Variants in CNTNAP2 observed in about 807,000 individuals in gnomAD.
CNTNAP2 encodes the protein contactin associated protein 2.
A neutral mutation model predicts 155.2 loss-of-function variants in CNTNAP2; 98 were observed. The observed-to-expected ratio is 0.63, with a 90% CI of 0.54 to 0.75. The LOEUF (loss-of-function observed/expected upper bound fraction) is 0.75, where lower values mean the gene tolerates loss of function less well. Among genes scored for constraint, CNTNAP2 ranks in the 30% least tolerant of loss-of-function variants. CNTNAP2 has a pLI of 0.00. For missense variants in CNTNAP2, 1,727 were observed against 1,688.1 expected (o/e 1.02, Z -0.40); for synonymous variants, 651 against 631.2 (o/e 1.03, Z -0.47).
intron 4 of CNTNAP2, among the ~76,000 whole-genome samples, chr7:147,085,484 T>C (rs2129270638): frequency 6.6e-6 from 1 of 152,230 alleles, no homozygotes; most frequent in African/African-American, 2.4e-5. Context: ...TGCCTGATGA[T>C]CTGAAGTGGA....
chr7:146,624,661 A>T (rs564628092), intron 1 of CNTNAP2, among the ~76,000 whole-genome samples: 1 of 151,932 alleles, frequency 6.6e-6, no homozygotes, highest in African/African-American at 2.4e-5. Flanking sequence ...ATACAGTAGC[A>T]TGAGTCCTTC....
chr7:148,395,065 ATAATT>A (rs1470199543), intron 22 of CNTNAP2, among the ~76,000 whole-genome samples: 1 of 152,022 alleles, frequency 6.6e-6, no homozygotes. Context: ...AAACTTGTTA[ATAATT>A]TAATTTCCAT....
At chr7:146,478,590 T>G (rs993573645) in intron 1 of CNTNAP2, among the ~76,000 whole-genome samples, 1 of 151,780 alleles carries the variant, frequency 6.6e-6, no homozygotes, top group African/African-American at 2.4e-5. Flanking sequence ...AAGTGTCACA[T>G]CTAGTATCTG....
At chr7:146,366,063 T>G (rs1795150774) in intron 1 of CNTNAP2, among the ~76,000 whole-genome samples, 1 of 152,184 alleles carries the variant, frequency 6.6e-6, no homozygotes, top group Admixed American at 6.6e-5. Context: ...TGTGTCAGAC[T>G]CAGGTGAAAT....
At chr7:146,952,163 A>G (rs1797328506) in intron 3 of CNTNAP2, among the ~76,000 whole-genome samples, 1 of 152,154 alleles carries the variant, frequency 6.6e-6, no homozygotes, top group Non-Finnish European at 1.5e-5. Flanking sequence ...CATAAACAGA[A>G]CCAATGAGAA....
chr7:146,305,421 T>C (rs1255664224), intron 1 of CNTNAP2, among the ~76,000 whole-genome samples: 1 of 152,118 alleles, frequency 6.6e-6, no homozygotes, highest in Non-Finnish European at 1.5e-5. Flanking sequence ...TATCTACCTT[T>C]GGTCTTTGAT....
chr7:146,446,454 C>G (rs539967583), intron 1 of CNTNAP2, among the ~76,000 whole-genome samples: 21 of 152,148 alleles, frequency 1.4e-4, no homozygotes, highest in African/African-American at 5.1e-4. Flanking sequence ...TATTTGCAAC[C>G]AGACTAGCAC....
At chr7:146,264,741 G>C (rs2129082271) in intron 1 of CNTNAP2, among the ~76,000 whole-genome samples, 1 of 152,274 alleles carries the variant, frequency 6.6e-6, no homozygotes, top group South Asian at 2.1e-4. Flanking sequence ...AATGCCAGAG[G>C]TGTCAGTTAC....
At position 147,781,186 on chromosome 7, in the gene CNTNAP2, A is replaced by G. The variant is rs116483300; in HGVS notation, c.2099-122379A>G. On this transcript the variant is annotated intron_variant, in intron 13 of 23. Coordinates refer to ENST00000361727, the MANE Select transcript of CNTNAP2 (RefSeq NM_014141.6). ...GGCAGTGCTGATATTTTCTTAGATC[A>G]TTTTTCTAATATTAGAGGAGCTCTT... 3.2e-3 allele frequency among the ~76,000 whole-genome samples: 488 copies of G among 152,298 alleles called. 4 individuals carry two copies. Among genetic ancestry groups the G allele is most frequent in the African/African-American group, 0.011 (460 of 41,558 alleles).
intron 21 of CNTNAP2, among the ~76,000 whole-genome samples, chr7:148,375,838 CA>C (rs34887239): frequency 0.88 from 34,065 of 38,650 alleles, 15,880 homozygotes; most frequent in East Asian, 1. Flanking sequence ...ACTAAAAATA[CA>C]AAAAAAAAAA....
At chr7:148,414,593 T>C (rs925532154) in intron 23 of CNTNAP2, among the ~76,000 whole-genome samples, 2 of 151,944 alleles carry the variant, frequency 1.3e-5, no homozygotes, top group African/African-American at 4.8e-5. Context: ...GCTCTCCTTC[T>C]AATTGACTGA....
intron 3 of CNTNAP2, among the ~76,000 whole-genome samples, chr7:146,897,214 A>G (rs982457525): frequency 6.6e-6 from 1 of 152,202 alleles, no homozygotes; most frequent in East Asian, 1.9e-4. Flanking sequence ...CTCAGTGTCT[A>G]TTTTACCTGT....
chr7:146,739,495 A>C (rs189387439), intron 1 of CNTNAP2, among the ~76,000 whole-genome samples: 1 of 152,114 alleles, frequency 6.6e-6, no homozygotes, highest in East Asian at 1.9e-4. Flanking sequence ...ATTGATTTCT[A>C]GTTTTATATT....
chr7:147,836,243 A>G lies in CNTNAP2; in HGVS notation c.2099-67322A>G, dbSNP rs575984504. ...TCAGTTAGGAATAATTACACACGTA[A>G]CGGCTCCCCTAAATGTTTTTTAGCC... On this transcript the variant is annotated intron_variant, in intron 13 of 23. Coordinates refer to ENST00000361727, the MANE Select transcript of CNTNAP2 (RefSeq NM_014141.6). Among the ~76,000 whole-genome samples the G allele has an allele frequency of 2.0e-5, 3 of 152,312 alleles. No homozygotes were observed. The South Asian group carries it at 6.2e-4, about 32-fold the overall frequency.
chr7:146,581,065 A>G (rs1190946668), intron 1 of CNTNAP2, among the ~76,000 whole-genome samples: 1 of 152,150 alleles, frequency 6.6e-6, no homozygotes, highest in Non-Finnish European at 1.5e-5. Flanking sequence ...CTGGGTCTTA[A>G]GCAACTTTAA....
intron 13 of CNTNAP2, among the ~76,000 whole-genome samples, chr7:147,885,858 A>G (rs1799592258): frequency 6.6e-6 from 1 of 152,202 alleles, no homozygotes; most frequent in Non-Finnish European, 1.5e-5. Context: ...ATGAGCACAT[A>G]AAGTAACTGC....
chr7:147,743,555 G>A (rs112275012), intron 13 of CNTNAP2, among the ~76,000 whole-genome samples: 4,890 of 152,200 alleles, frequency 0.032, 253 homozygotes, highest in African/African-American at 0.11. Context: ...TTGTTTGGAC[G>A]CCTAACTCTT....
intron 14 of CNTNAP2, among the ~76,000 whole-genome samples, chr7:147,925,150 A>AAG (rs1484783112): frequency 5.2e-5 from 4 of 76,458 alleles, no homozygotes; most frequent in Non-Finnish European, 8.4e-5. Context: ...AGAGAGAGAG[A>AAG]GAGAGAAGGA....
intron 11 of CNTNAP2, among the ~76,000 whole-genome samples, chr7:147,552,593 C>A (rs1282272859): frequency 6.6e-6 from 1 of 151,834 alleles, no homozygotes; most frequent in East Asian, 1.9e-4. Context: ...CACACACACA[C>A]ACACACACAC....
Sources: allele counts gnomAD v4.1 joint callset (sites outside exome capture counted in the v4.1 genomes callset), GRCh38; gene constraint gnomAD v4.1.1; transcripts MANE v1.5; gene names NCBI Gene and HGNC (gene_info 2026-07-23, HGNC 2026-07-21).